Variants in SPAG16 observed in about 807,000 individuals in gnomAD.
SPAG16 encodes the protein sperm associated antigen 16.
Under a neutral mutation model 80.4 loss-of-function variants are expected in SPAG16, and 86 were observed. The ratio of observed to expected loss-of-function variants is 1.07; its 90% CI spans 0.90 to 1.28. SPAG16 has a LOEUF of 1.28. SPAG16 is among the 50% of genes most tolerant of loss of function. The pLI is 0.00. For synonymous variants in SPAG16, 294 were observed against 265.9 expected (o/e 1.11, Z -1.03); for missense variants, 870 against 765.3 (o/e 1.14, Z -1.61).
intron 15 of SPAG16, among the ~76,000 whole-genome samples, chr2:214,381,103 G>A (rs999876661): frequency 1.8e-4 from 28 of 152,142 alleles, no homozygotes; most frequent in African/African-American, 6.5e-4. Context: ...TGATGAAGAC[G>A]ATTCTACGAA....
intron 15 of SPAG16, among the ~76,000 whole-genome samples, chr2:214,404,498 C>A (rs1701888371): frequency 1.3e-5 from 2 of 152,030 alleles, no homozygotes; most frequent in South Asian, 2.1e-4. Flanking sequence ...GATAACATTA[C>A]TGAAGAAATG....
chr2:214,291,248 C>T (rs1458902216), intron 15 of SPAG16, among the ~76,000 whole-genome samples: 2 of 133,720 alleles, frequency 1.5e-5, no homozygotes, highest in Admixed American at 7.6e-5. Flanking sequence ...CTATATATGT[C>T]TTTGTAGGTA....
At position 214,013,977 on chromosome 2, in the gene SPAG16, G is replaced by C; in HGVS notation, c.1427G>C (p.Gly476Ala). 6.2e-7 allele frequency: 1 copy of C among 1,613,202 alleles called. No homozygotes were observed. The highest frequency in any genetic ancestry group is 1.1e-5 in the South Asian group (1 of 91,044). Reference sequence around the variant, plus strand: ...GAAAGATGCAGATGTACTTTGTATGGACATACAGATTCTGTGAACAGCATT... The same window carrying C: ...GAAAGATGCAGATGTACTTTGTATGCACATACAGATTCTGTGAACAGCATT... ...NSERCRCTLY[G>A]HTDSVNSIEF... The change falls in exon 13 of 16, where the codon GGA becomes GCA. Residue 476 changes from glycine to alanine, a missense_variant. Transcript: ENST00000331683.
intron 9 of SPAG16, among the ~76,000 whole-genome samples, chr2:213,376,961 A>T (rs561646516): frequency 6.6e-6 from 1 of 152,132 alleles, no homozygotes; most frequent in South Asian, 2.1e-4. Context: ...ATTGGCTTAC[A>T]CTCAGCTGCC....
intron 13 of SPAG16, among the ~76,000 whole-genome samples, chr2:214,076,705 G>A (rs1202315968): frequency 1.3e-5 from 2 of 152,118 alleles, no homozygotes; most frequent in East Asian, 3.9e-4. Flanking sequence ...ATTATAGAAT[G>A]TGCCTTGGGC....
chr2:213,429,389 G>C (rs2070150059), intron 9 of SPAG16, among the ~76,000 whole-genome samples: 3 of 151,960 alleles, frequency 2.0e-5, no homozygotes. Context: ...TGGACCACAG[G>C]ACCCAGATCA....
chr2:214,187,208 C>CCACACA (rs144461208), intron 15 of SPAG16, among the ~76,000 whole-genome samples: 1 of 150,794 alleles, frequency 6.6e-6, no homozygotes, highest in African/African-American at 2.4e-5. Flanking sequence ...ATATATATCC[C>CCACACA]CACACACACA....
intron 10 of SPAG16, among the ~76,000 whole-genome samples, chr2:213,567,597 G>A (rs1289741048): frequency 2.4e-5 from 2 of 83,392 alleles, no homozygotes; most frequent in African/African-American, 6.5e-5. Context: ...ATTCCATGGT[G>A]TATATGTGCC....
At chr2:213,847,884 CAG>C (rs1040563376) in intron 10 of SPAG16, among the ~76,000 whole-genome samples, 7 of 146,444 alleles carry the variant, frequency 4.8e-5, no homozygotes, top group Non-Finnish European at 1.1e-4. Context: ...CACACACACA[CAG>C]ACATATAATA....
At chr2:213,907,556 G>T (rs2077481002) in intron 11 of SPAG16, among the ~76,000 whole-genome samples, 1 of 151,564 alleles carries the variant, frequency 6.6e-6, no homozygotes, top group Non-Finnish European at 1.5e-5. Context: ...GGAAGTAAAA[G>T]CAGTATATCA....
intron 10 of SPAG16, among the ~76,000 whole-genome samples, chr2:213,493,023 G>T (rs138121820): frequency 1.9e-4 from 29 of 152,140 alleles, no homozygotes; most frequent in East Asian, 1.2e-3. Context: ...CACAAAGAAA[G>T]AATTTGTGTC....
intron 10 of SPAG16, among the ~76,000 whole-genome samples, chr2:213,609,594 T>C (rs1172357456): frequency 2.0e-5 from 3 of 152,202 alleles, no homozygotes; most frequent in East Asian, 1.9e-4. Flanking sequence ...TCTTTCCTAG[T>C]GCTGTTTCAA....
At chr2:214,144,594 A>G (rs1275073162) in intron 14 of SPAG16, among the ~76,000 whole-genome samples, 1 of 152,184 alleles carries the variant, frequency 6.6e-6, no homozygotes, top group East Asian at 1.9e-4. Flanking sequence ...TCTCATGTAT[A>G]CATAGTTGAT....
At chr2:213,678,018 A>G (rs1439030383) in intron 10 of SPAG16, among the ~76,000 whole-genome samples, 4 of 152,052 alleles carry the variant, frequency 2.6e-5, no homozygotes, top group African/African-American at 4.8e-5. Context: ...CTGAATGACT[A>G]CTGGGTACAT....
intron 10 of SPAG16, among the ~76,000 whole-genome samples, chr2:213,611,327 A>C (rs1292494327): frequency 6.6e-6 from 1 of 152,220 alleles, no homozygotes; most frequent in African/African-American, 2.4e-5. Flanking sequence ...AACATTGATT[A>C]AGTTGACAGT....
intron 10 of SPAG16, among the ~76,000 whole-genome samples, chr2:213,718,431 C>A (rs1439735338): frequency 6.6e-6 from 1 of 152,202 alleles, no homozygotes; most frequent in African/African-American, 2.4e-5. Flanking sequence ...ACTGTGGGAG[C>A]CCCTTTCTGG....
At chr2:214,163,663 G>A (rs114980141) in intron 15 of SPAG16, among the ~76,000 whole-genome samples, 2,493 of 151,624 alleles carry the variant, frequency 0.016, 31 homozygotes, top group South Asian at 0.027. Flanking sequence ...AAGAGAGAGA[G>A]AGGAAAAGAT....
At chr2:213,812,532 G>T (rs2072233393) in intron 10 of SPAG16, among the ~76,000 whole-genome samples, 1 of 152,168 alleles carries the variant, frequency 6.6e-6, no homozygotes, top group Non-Finnish European at 1.5e-5. Context: ...ATGATTACCT[G>T]GTAGCAGATG....
intron 15 of SPAG16, among the ~76,000 whole-genome samples, chr2:214,356,052 T>C (rs941469515): frequency 4.1e-5 from 6 of 145,990 alleles, no homozygotes; most frequent in Non-Finnish European, 9.0e-5. Context: ...GGGATAGCAT[T>C]AGGAGATATA....
Sources: gnomAD v4.1 joint callset for allele counts (sites outside exome capture counted in the v4.1 genomes callset) on GRCh38, gnomAD v4.1.1 for gene constraint, MANE v1.5 for transcripts, NCBI Gene and HGNC (gene_info 2026-07-23, HGNC 2026-07-21) for gene names.